The following ATP13A5 variants were observed in gnomAD, a reference collection of about 807,000 sequenced individuals.
The protein encoded by ATP13A5 is ATPase 13A5.
Under a neutral mutation model 150.2 loss-of-function variants are expected in ATP13A5, and 149 were observed. The ratio of observed to expected loss-of-function variants is 0.99; its 90% CI spans 0.87 to 1.14. The LOEUF is 1.14. ATP13A5 is among the 50% of genes most tolerant of loss of function. The pLI, the probability that ATP13A5 is intolerant of heterozygous loss-of-function variation, is 0.00. For synonymous variants in ATP13A5, 497 were observed against 522.2 expected, an observed-to-expected ratio of 0.95 and a Z score of 0.66; for missense variants, 1,383 against 1,449.3, an observed-to-expected ratio of 0.95 and a Z score of 0.74.
chr3:193,361,326 GAT>G (rs776998999), intron 5 of ATP13A5, among the ~76,000 whole-genome samples: 2 of 152,148 alleles, frequency 1.3e-5, no homozygotes, highest in Non-Finnish European at 2.9e-5. Flanking sequence ...CACAGTGTCT[GAT>G]AGAGGAAAAA....
intron 22 of ATP13A5, among the ~76,000 whole-genome samples, chr3:193,306,037 C>T (rs763559427): frequency 2.0e-5 from 3 of 151,842 alleles, no homozygotes; most frequent in African/African-American, 4.8e-5. Context: ...GGACCTTCAC[C>T]GTTTCAGTTC....
chr3:193,352,744 A>C (rs942107130), intron 6 of ATP13A5, among the ~76,000 whole-genome samples: 1 of 152,180 alleles, frequency 6.6e-6, no homozygotes, highest in African/African-American at 2.4e-5. Context: ...AAATAAAGTT[A>C]AAAAAAGCAA....
At chr3:193,278,642 A>G (rs1190348079) in intron 28 of ATP13A5, among the ~76,000 whole-genome samples, 1 of 152,222 alleles carries the variant, frequency 6.6e-6, no homozygotes, top group Non-Finnish European at 1.5e-5. Context: ...TTTTGAACCC[A>G]GGTCAAGTTG....
rs963703158 is a variant in ATP13A5, at chr3:193,376,846, G to A, written c.63+1817C>T. Reference sequence around the variant, plus strand: ...TCACCCCAGCTCCCTCAGGCCTAGCGGAGTCTGTGGATTACCTGATCAACC... The same window carrying A: ...TCACCCCAGCTCCCTCAGGCCTAGCAGAGTCTGTGGATTACCTGATCAACC... On this transcript the variant is annotated intron_variant, in intron 1 of 29. Transcript: ENST00000342358. Among the ~76,000 whole-genome samples, 8 of 152,176 alleles carry A rather than the reference G, an allele frequency of 5.3e-5. No homozygotes were observed. The East Asian group carries it at 7.7e-4, about 15-fold the overall frequency.
chr3:193,333,859 C>CG lies in ATP13A5; in HGVS notation c.1162dup (p.Arg388ProfsTer99), dbSNP rs778326268. On this transcript the variant is annotated frameshift_variant, in exon 11 of 30. Coordinates refer to ENST00000342358, the MANE Select transcript of ATP13A5 (RefSeq NM_198505.4). LOFTEE classifies it high-confidence loss of function. Reference sequence around the variant, plus strand: ...GCTGTATAGTTTGAAGTTCAGAGGCCGGGGGTACAGGATGGATCTCACTAA... The same window carrying CG: ...GCTGTATAGTTTGAAGTTCAGAGGCCGGGGGGTACAGGATGGATCTCACTAA... The CG allele has an allele frequency of 6.2e-7, 1 of 1,613,832 alleles. No homozygotes were observed. The highest frequency in any genetic ancestry group is 1.7e-5 in the Admixed American group (1 of 59,990).
intron 1 of ATP13A5, 46 bp downstream of exon 1, chr3:193,378,617 G>A (rs375463077): frequency 5.3e-5 from 80 of 1,509,446 alleles, no homozygotes; most frequent in African/African-American, 1.2e-4. Context: ...CATACTCACC[G>A]CCTTGGGCTC....
chr3:193,336,394 C>T (rs1226738105), intron 9 of ATP13A5, among the ~76,000 whole-genome samples: 2 of 152,166 alleles, frequency 1.3e-5, no homozygotes, highest in African/African-American at 4.8e-5. Context: ...CCACTCCCCC[C>T]ACCTCACGAC....
intron 1 of ATP13A5, among the ~76,000 whole-genome samples, chr3:193,373,645 A>G (rs1018512326): frequency 1.3e-5 from 2 of 152,118 alleles, no homozygotes. Context: ...TAAATGAACC[A>G]CTTATTTTTC....
intron 26 of ATP13A5, among the ~76,000 whole-genome samples, chr3:193,288,254 T>C (rs907273228): frequency 6.6e-6 from 1 of 152,178 alleles, no homozygotes; most frequent in Non-Finnish European, 1.5e-5. Context: ...GAGAATTCAC[T>C]TCAAATTTGA....
chr3:193,367,131 T>C (rs6778217), intron 1 of ATP13A5, among the ~76,000 whole-genome samples: 143,579 of 151,726 alleles, frequency 0.95, 67,951 homozygotes, highest in Middle Eastern at 0.98. Flanking sequence ...AAGCTTCCAA[T>C]TCAAGAAGTT....
In ATP13A5 at chr3:193,364,285, A is replaced by G. The variant is rs1713157633; in HGVS notation, c.64-5T>C. The G allele has an allele frequency of 6.2e-7, 1 of 1,604,376 alleles. No individual in the cohort carries two copies. Among genetic ancestry groups the G allele is most frequent in the Non-Finnish European group, 8.5e-7 (1 of 1,175,460 alleles). ...GTCCCGGTAACCAAACACCTCCTGGAGAATAAATTTAAAAGATCGCTCTAT... is the reference window on the plus strand; with the variant it reads ...GTCCCGGTAACCAAACACCTCCTGGGGAATAAATTTAAAAGATCGCTCTAT... On this transcript the variant is annotated splice_polypyrimidine_tract_variant and splice_region_variant and intron_variant, in intron 1 of 29. Coordinates refer to ENST00000342358, the MANE Select transcript of ATP13A5 (RefSeq NM_198505.4).
At chr3:193,363,457 A>T (rs1577373160) in intron 2 of ATP13A5, 75 bp from the exon 3 acceptor site, 23 of 1,375,756 alleles carry the variant, frequency 1.7e-5, no homozygotes, top group South Asian at 8.3e-5. Context: ...AATACCTACC[A>T]AGTGGTACAA....
At chr3:193,354,498 T>G (rs1712699882) in intron 5 of ATP13A5, among the ~76,000 whole-genome samples, 1 of 152,026 alleles carries the variant, frequency 6.6e-6, no homozygotes, top group Non-Finnish European at 1.5e-5. Context: ...TATTATATAC[T>G]AAAAGCAACG....
chr3:193,353,628 G>A (rs1339277834), intron 6 of ATP13A5, among the ~76,000 whole-genome samples: 3 of 152,112 alleles, frequency 2.0e-5, no homozygotes, highest in Non-Finnish European at 4.4e-5. Context: ...GAGATCCCAC[G>A]ATGGGATTAG....
intron 9 of ATP13A5, among the ~76,000 whole-genome samples, chr3:193,339,798 T>A (rs143597910): frequency 6.6e-6 from 1 of 152,278 alleles, no homozygotes; most frequent in Admixed American, 6.5e-5. Flanking sequence ...TTCCTTTTTT[T>A]TTGCTTTTGA....
rs990386216 is a variant in ATP13A5 at position 193,275,443 on chromosome 3, A to G, written c.3397-141T>C. 9 of 969,964 alleles carry G rather than the reference A, an allele frequency of 9.3e-6. No homozygotes were observed. The South Asian group carries it at 1.3e-4, about 14-fold the overall frequency. The allele number at this position is 969,964 out of a possible 1,614,324, so 60.1% of individuals were successfully genotyped here. On this transcript the variant is annotated intron_variant, in intron 29 of 29. Coordinates refer to ENST00000342358, the MANE Select transcript of ATP13A5 (RefSeq NM_198505.4). ...CTGTTGCATCTACCTCTCCTTTCCCAAGTTCTGGAATTCTGCCCTTAAGAA... is the reference window on the plus strand; with the variant it reads ...CTGTTGCATCTACCTCTCCTTTCCCGAGTTCTGGAATTCTGCCCTTAAGAA...
chr3:193,318,396 G>A (rs12486800), intron 17 of ATP13A5, among the ~76,000 whole-genome samples: 4,008 of 152,182 alleles, frequency 0.026, 84 homozygotes, highest in Admixed American at 0.057. Context: ...ACTGAAGAAC[G>A]TTGAAAGAAA....
intron 22 of ATP13A5, among the ~76,000 whole-genome samples, chr3:193,306,644 GA>G (rs1718630467): frequency 6.6e-6 from 1 of 152,110 alleles, no homozygotes; most frequent in East Asian, 1.9e-4. Flanking sequence ...ATCAGCTACT[GA>G]AATATTTCCT....
At chr3:193,358,614 G>GT (rs1308245090) in intron 5 of ATP13A5, among the ~76,000 whole-genome samples, 2 of 152,180 alleles carry the variant, frequency 1.3e-5, no homozygotes, top group Non-Finnish European at 2.9e-5. Context: ...AGTTATTTTA[G>GT]TTTTTTACAT....
Sources: gnomAD v4.1 joint callset for allele counts (sites outside exome capture counted in the v4.1 genomes callset) on GRCh38, gnomAD v4.1.1 for gene constraint, MANE v1.5 for transcripts, NCBI Gene and HGNC (gene_info 2026-07-23, HGNC 2026-07-21) for gene names.